Variants in DMP1 observed in about 807,000 individuals in gnomAD.
The protein encoded by DMP1 is dentin matrix protein 1.
Under a neutral mutation model 14.6 loss-of-function variants are expected in DMP1, and 20 were observed. That is an observed-to-expected ratio of 1.37 (90% CI 0.96 to 1.99). DMP1 has a LOEUF of 1.99. Ranked by LOEUF, DMP1 falls within the 30% of genes most tolerant of loss-of-function variation. The probability of loss-of-function intolerance (pLI) is 0.00; values close to 1 mark genes in which losing one functional copy is unlikely to be tolerated. For synonymous variants in DMP1, 197 were observed against 215.3 expected, an observed-to-expected ratio of 0.91 and a Z score of 0.75; for missense variants, 567 against 620.5, an observed-to-expected ratio of 0.91 and a Z score of 0.92.
Position 87,663,268 on chromosome 4 carries a change from A to G in DMP1, c.1490A>G (p.His497Arg). 6.2e-7 allele frequency: 1 copy of G among 1,614,274 alleles called. No individual in the cohort carries two copies. The highest frequency in any genetic ancestry group is 1.1e-5 in the South Asian group (1 of 91,090). The change falls in exon 6 of 6, where the codon CAC becomes CGC. Residue 497 changes from histidine to arginine, a missense_variant. Physicochemically the swap from His to Arg is conservative, Grantham distance 29. Transcript: ENST00000339673. ...ESRKLTVDAY[H>R]NKPIGDQDDN... ...CGGAAATTAACAGTTGATGCCTATCACAACAAACCCATTGGGGACCAAGAT... is the reference window on the plus strand; with the variant it reads ...CGGAAATTAACAGTTGATGCCTATCGCAACAAACCCATTGGGGACCAAGAT...
intron 1 of DMP1, among the ~76,000 whole-genome samples, chr4:87,653,390 T>C (rs1369387794): frequency 1.1e-4 from 3 of 26,712 alleles, no homozygotes; most frequent in African/African-American, 3.8e-4. Context: ...TCGAGTGATA[T>C]ATATATATAT....
intron 1 of DMP1, 99 bp downstream of exon 1, chr4:87,650,483 A>T (rs546700305): frequency 6.6e-6 from 1 of 152,326 alleles, no homozygotes; most frequent in South Asian, 2.1e-4. Context: ...TACCATGTAG[A>T]GAGAGATGGG....
intron 5 of DMP1, among the ~76,000 whole-genome samples, chr4:87,660,434 C>T (rs1728827946): frequency 6.6e-6 from 1 of 152,146 alleles, no homozygotes; most frequent in Admixed American, 6.5e-5. Context: ...TAAACCCATG[C>T]TCAGTTCCAC....
rs587776696 is a variant in DMP1, at chr4:87,662,137, GC to G, written c.362del (p.Pro121GlnfsTer112). 1 of 1,614,212 alleles carries G rather than the reference GC, an allele frequency of 6.2e-7. No homozygotes were observed. Among genetic ancestry groups the G allele is most frequent in the Non-Finnish European group, 8.5e-7 (1 of 1,180,040 alleles). On this transcript the variant is annotated frameshift_variant, in exon 6 of 6. Coordinates refer to ENST00000339673, the MANE Select transcript of DMP1 (RefSeq NM_004407.4). LOFTEE classifies it low-confidence loss of function (END_TRUNC). ...GDDTFGDDDS[G>X]PGPKDRQEGG... The stretch of plus-strand genomic sequence containing the variant: ...GACACCTTTGGTGACGATGACAGTG[GC>G]CCAGGGCCCAAAGACAGACAAGAAG...
chr4:87,662,932 A>G lies in DMP1; in HGVS notation c.1154A>G (p.Glu385Gly). The G allele has an allele frequency of 6.2e-7, 1 of 1,614,090 alleles. No individual in the cohort carries two copies. Among genetic ancestry groups the G allele is most frequent in the Non-Finnish European group, 8.5e-7 (1 of 1,179,934 alleles). Residue 385 changes from glutamate to glycine, a missense_variant, in exon 6 of 6, where the codon GAG becomes GGG. Transcript: ENST00000339673. ...VEDQEDSDSS[E>G]EDSSHTLSHS... The stretch of plus-strand genomic sequence containing the variant: ...GACCAGGAAGACAGTGACTCCAGCG[A>G]GGAGGACAGCTCGCACACACTCTCC...
chr4:87,656,918 T>C, intron 2 of DMP1, 114 bp from the exon 3 acceptor site: 1 of 744,470 alleles, frequency 1.3e-6, no homozygotes. Flanking sequence ...GGCCTCCCAG[T>C]GATTCTGATG....
In DMP1 at chr4:87,663,960, C is replaced by A. The variant is rs758830773; in HGVS notation, c.*640C>A. On this transcript the variant is annotated 3_prime_UTR_variant, in exon 6 of 6. Transcript: ENST00000339673. ...TTCTTGGGATAAATAATAGTAAATT[C>A]TATAGGATTCAATACTTAGTTTGCA... The A allele has an allele frequency of 5.2e-5, 8 of 153,230 alleles. No homozygotes were observed. Among genetic ancestry groups the A allele is most frequent in the Non-Finnish European group, 1.0e-4 (7 of 68,760 alleles). The allele number at this position is 153,230 out of a possible 1,614,324, so 9.5% of individuals were successfully genotyped here.
Position 87,662,199 on chromosome 4 carries a change from G to A in DMP1, c.421G>A (p.Asp141Asn), listed in dbSNP as rs144580319. The A allele has an allele frequency of 1.2e-4, 192 of 1,614,214 alleles. 1 individual carries two copies. In the African/African-American group the frequency reaches 2.1e-3, roughly 18 times the overall value. Residue 141 changes from aspartate (D) to asparagine (N), a missense_variant, in exon 6 of 6, where the codon GAT becomes AAT. Transcript: ENST00000339673. ...NSRLGSDEDS[D>N]DTIQASEESA... ...CAGACTGGGAAGTGATGAGGACTCT[G>A]ATGACACCATACAAGCCAGTGAAGA...
In DMP1 at chr4:87,663,475, AG is replaced by A; in HGVS notation, c.*158del. On this transcript the variant is annotated 3_prime_UTR_variant, in exon 6 of 6. Coordinates refer to ENST00000339673, the MANE Select transcript of DMP1 (RefSeq NM_004407.4). ...ATTGCTGGACATTACACTTGTTTTT[AG>A]GGTGTCATCATTTCACAGAGGTTTA... is the stretch of plus-strand genomic sequence containing the variant. 8.9e-7 allele frequency: 1 copy of A among 1,125,022 alleles called. No homozygotes were observed. Among genetic ancestry groups the A allele is most frequent in the Non-Finnish European group, 1.3e-6 (1 of 775,222 alleles). 69.7% of individuals were successfully genotyped at this position (1,125,022 alleles called of 1,614,324 possible).
chr4:87,653,874 G>T (rs1728606558), intron 1 of DMP1, among the ~76,000 whole-genome samples: 1 of 152,130 alleles, frequency 6.6e-6, no homozygotes, highest in African/African-American at 2.4e-5. Flanking sequence ...ATTAATAGGA[G>T]AAAAGGAATA....
At chr4:87,661,345 CG>C (rs1178989515) in intron 5 of DMP1, among the ~76,000 whole-genome samples, 2 of 151,410 alleles carry the variant, frequency 1.3e-5, no homozygotes, top group South Asian at 2.1e-4. Flanking sequence ...CCTCAGCCTC[CG>C]GAGTAGCTGG....
At chr4:87,659,531 A>G in intron 5 of DMP1, 53 bp downstream of exon 5, 1 of 1,511,224 alleles carries the variant, frequency 6.6e-7, no homozygotes, top group Non-Finnish European at 9.2e-7. Flanking sequence ...ATGGAAGGAA[A>G]TGATGTTAGA....
At position 87,663,744 on chromosome 4, in the gene DMP1, T is replaced by C. The variant is rs373380022; in HGVS notation, c.*424T>C. ...AGCTACAGAGTTAAAGAGGGATATG[T>C]ATAAGAGAAACAAGAATTGTTACAA... is the stretch of plus-strand genomic sequence containing the variant. On this transcript the variant is annotated 3_prime_UTR_variant, in exon 6 of 6. Transcript: ENST00000339673. The C allele has an allele frequency of 1.1e-5, 3 of 270,830 alleles. No homozygotes were observed. The highest frequency in any genetic ancestry group is 4.5e-5 in the African/African-American group (2 of 44,862). 16.8% of individuals were successfully genotyped at this position (270,830 alleles called of 1,614,324 possible).
intron 1 of DMP1, among the ~76,000 whole-genome samples, chr4:87,653,407 A>AT (rs1553906479): frequency 9.6e-6 from 1 of 104,196 alleles, no homozygotes; most frequent in Non-Finnish European, 2.0e-5. Flanking sequence ...ATATATATAT[A>AT]TATATATATA....
chr4:87,663,797 A>G lies in DMP1; in HGVS notation c.*477A>G. On this transcript the variant is annotated 3_prime_UTR_variant, in exon 6 of 6. Coordinates refer to ENST00000339673, the MANE Select transcript of DMP1 (RefSeq NM_004407.4). ...CAGTATGGTGAGTGCCAAGACAGAG[A>G]GCTATGAACACGATATCTATCTGGG... The G allele has an allele frequency of 5.0e-6, 1 of 200,850 alleles. No individual in the cohort carries two copies. The highest frequency in any genetic ancestry group is 1.0e-5 in the Non-Finnish European group (1 of 97,562). 12.4% of individuals were successfully genotyped at this position (200,850 alleles called of 1,614,324 possible).
chr4:87,659,350 T>G, intron 4 of DMP1, 81 bp from the exon 5 acceptor site: 1 of 1,594,100 alleles, frequency 6.3e-7, no homozygotes, highest in Non-Finnish European at 8.6e-7. Flanking sequence ...AAATCCAGAC[T>G]GGAAGCAATT....
intron 1 of DMP1, among the ~76,000 whole-genome samples, chr4:87,650,846 G>A (rs1381714544): frequency 6.6e-6 from 1 of 152,002 alleles, no homozygotes; most frequent in Non-Finnish European, 1.5e-5. Flanking sequence ...TATTCATCTA[G>A]AGAGCATCTA....
Position 87,659,485 on chromosome 4 carries a change from A to C in DMP1, c.183+7A>C. Reference sequence around the variant, plus strand: ...AGTTAGCTCAGAGGAACAGGTAATTAAACAGACCTTTCTTAACTTTTCAGG... The same window carrying C: ...AGTTAGCTCAGAGGAACAGGTAATTCAACAGACCTTTCTTAACTTTTCAGG... On this transcript the variant is annotated splice_region_variant and intron_variant, in intron 5 of 5. Coordinates refer to ENST00000339673, the MANE Select transcript of DMP1 (RefSeq NM_004407.4). 1 of 1,613,558 alleles carries C rather than the reference A, an allele frequency of 6.2e-7. No homozygotes were observed. Among genetic ancestry groups the C allele is most frequent in the Non-Finnish European group, 8.5e-7 (1 of 1,179,460 alleles).
At chr4:87,661,937 C>T (rs749808951) in intron 5 of DMP1, 25 bp from the exon 6 acceptor site, 1 of 1,614,078 alleles carries the variant, frequency 6.2e-7, no homozygotes, top group South Asian at 1.1e-5. Flanking sequence ...GAATACTGAC[C>T]ATATCTGTTA....
Sources: allele counts gnomAD v4.1 joint callset (sites outside exome capture counted in the v4.1 genomes callset), GRCh38; gene constraint gnomAD v4.1.1; transcripts MANE v1.5; gene names NCBI Gene and HGNC (gene_info 2026-07-23, HGNC 2026-07-21).